Variants in FBXW4 observed in about 807,000 individuals in gnomAD.
FBXW4 encodes the protein F-box/WD repeat-containing protein 4.
In FBXW4, 40 loss-of-function variants were observed where a neutral mutation model predicts 61.8. The ratio of observed to expected loss-of-function variants is 0.65; its 90% CI spans 0.50 to 0.84. The LOEUF is 0.84. Ranked by LOEUF, FBXW4 falls within the 40% of genes least tolerant of loss-of-function variation. FBXW4 has a pLI of 0.00. For synonymous variants in FBXW4, 311 were observed against 313.8 expected, an observed-to-expected ratio of 0.99 and a Z score of 0.10; for missense variants, 672 against 753.8, an observed-to-expected ratio of 0.89 and a Z score of 1.27.
rs185027627 is a variant in FBXW4, at chr10:101,631,667, G to A, written c.1236-6857C>T. 2.2e-3 allele frequency among the ~76,000 whole-genome samples: 317 copies of A among 147,052 alleles called. 2 individuals are homozygous for A. The highest frequency in any genetic ancestry group is 7.5e-3 in the African/African-American group (298 of 39,668). On this transcript the variant is annotated intron_variant, in intron 5 of 8. Coordinates refer to ENST00000331272, the MANE Select transcript of FBXW4 (RefSeq NM_022039.4). The stretch of plus-strand genomic sequence containing the variant: ...TTTTGAGACAGAGTCTCGCTCTGTC[G>A]CCTAGGCTGGAGTGCAGTGGCGCAA...
In FBXW4 at chr10:101,694,241, G is replaced by A; in HGVS notation, c.725+140C>T. ...GGGTCCCCGAGAGTGCTCGGGAAAG[G>A]GTGTAGGCGGAGGTCAGGTGTAGGC... On this transcript the variant is annotated intron_variant, in intron 1 of 8. Coordinates refer to ENST00000331272, the MANE Select transcript of FBXW4 (RefSeq NM_022039.4). This position sits in a 1 kb window ranked among gnomAD's most constrained non-coding sequence, Gnocchi z 6.0. 1 of 779,276 alleles carries A rather than the reference G, an allele frequency of 1.3e-6. No individual in the cohort carries two copies. Among genetic ancestry groups the A allele is most frequent in the Non-Finnish European group, 1.8e-6 (1 of 556,734 alleles). The allele number at this position is 779,276 out of a possible 1,614,324, so 48.3% of individuals were successfully genotyped here. A position where few individuals can be genotyped will look rare whatever the true frequency, so the allele number is the denominator to read the frequency against.
At chr10:101,649,677 C>T (rs1032125576) in intron 5 of FBXW4, among the ~76,000 whole-genome samples, 1 of 152,212 alleles carries the variant, frequency 6.6e-6, no homozygotes, top group African/African-American at 2.4e-5. Context: ...GGCAGTGTGA[C>T]TGGCGCCAAT....
intron 5 of FBXW4, among the ~76,000 whole-genome samples, chr10:101,661,276 G>A (rs1252574329): frequency 6.6e-6 from 1 of 152,176 alleles, no homozygotes; most frequent in Non-Finnish European, 1.5e-5. Context: ...GGCTCGGAGA[G>A]TGCTGGTCTC....
At chr10:101,638,047 T>C (rs989037276) in intron 5 of FBXW4, among the ~76,000 whole-genome samples, 3 of 152,128 alleles carry the variant, frequency 2.0e-5, no homozygotes, top group African/African-American at 7.2e-5. Context: ...GGCAATGTGG[T>C]GGTGTCTAAA....
chr10:101,612,541 C>T (rs1253859083), intron 6 of FBXW4, 64 bp from the exon 7 acceptor site: 3 of 1,405,978 alleles, frequency 2.1e-6, no homozygotes, highest in African/African-American at 2.9e-5. Flanking sequence ...GTTCCACCTT[C>T]AGAAGGCATC....
chr10:101,615,524 G>A (rs148694939), intron 6 of FBXW4, among the ~76,000 whole-genome samples: 8 of 152,192 alleles, frequency 5.3e-5, no homozygotes, highest in Non-Finnish European at 8.8e-5. Context: ...CCTTGGCTCT[G>A]ACCGTGTGCA....
intron 5 of FBXW4, among the ~76,000 whole-genome samples, chr10:101,640,658 ATTTTTTTTT>A (rs200557925): frequency 7.5e-6 from 1 of 133,044 alleles, no homozygotes; most frequent in Non-Finnish European, 1.6e-5. Flanking sequence ...TCCCCAGCTA[ATTTTTTTTT>A]TTTTTTTTAA....
At chr10:101,619,591 G>A (rs1483796978) in intron 6 of FBXW4, among the ~76,000 whole-genome samples, 9 of 151,864 alleles carry the variant, frequency 5.9e-5, no homozygotes, top group East Asian at 1.9e-4. Flanking sequence ...CCCGGGAGGC[G>A]GAGTTTGCAG....
intron 5 of FBXW4, among the ~76,000 whole-genome samples, chr10:101,646,540 G>A (rs1362637623): frequency 6.6e-6 from 1 of 152,238 alleles, no homozygotes; most frequent in Non-Finnish European, 1.5e-5. Flanking sequence ...GCTTGTTGCT[G>A]GTCAAGGCGC....
chr10:101,644,319 G>A (rs1312585462), intron 5 of FBXW4, among the ~76,000 whole-genome samples: 1 of 152,186 alleles, frequency 6.6e-6, no homozygotes, highest in African/African-American at 2.4e-5. Context: ...TGGGGCCTGG[G>A]CAAGGGAAAG....
At position 101,667,876 on chromosome 10, in the gene FBXW4, T is replaced by C. The variant is rs1316437476; in HGVS notation, c.1235+10A>G. 3 of 1,609,180 alleles carry C rather than the reference T, an allele frequency of 1.9e-6. No individual in the cohort carries two copies. In the African/African-American group the frequency reaches 4.0e-5, roughly 22 times the overall value. ...CAGGACAAAACCACATCCAAATATG[T>C]CTCCCTTACCTGAGTAATGGGCTGA... On this transcript the variant is annotated intron_variant, in intron 5 of 8. Coordinates refer to ENST00000331272, the MANE Select transcript of FBXW4 (RefSeq NM_022039.4).
chr10:101,639,725 A>G (rs2064034977), intron 5 of FBXW4, among the ~76,000 whole-genome samples: 1 of 152,212 alleles, frequency 6.6e-6, no homozygotes. Context: ...TGGCAGCCTC[A>G]TGGAATAAGC....
At chr10:101,660,333 G>T (rs372892289) in intron 5 of FBXW4, 5 of 634,322 alleles carry the variant, frequency 7.9e-6, no homozygotes, top group East Asian at 2.8e-4. Flanking sequence ...GGGTTGGGAG[G>T]GGGGGTGGGT....
Position 101,644,734 on chromosome 10 carries a change from G to A in FBXW4, c.1236-19924C>T, listed in dbSNP as rs986965442. ...ACCAGGCACTCTCCAATGCTACTCT[G>A]CTAATAACATTATGATCCAGCAGAA... is the stretch of plus-strand genomic sequence containing the variant. On this transcript the variant is annotated intron_variant, in intron 5 of 8. Coordinates refer to ENST00000331272, the MANE Select transcript of FBXW4 (RefSeq NM_022039.4). 2.0e-5 allele frequency among the ~76,000 whole-genome samples: 3 copies of A among 152,274 alleles called. No individual in the cohort carries two copies. In the South Asian group the frequency reaches 6.2e-4, roughly 32 times the overall value.
intron 1 of FBXW4, among the ~76,000 whole-genome samples, chr10:101,679,603 T>C (rs1239422167): frequency 6.6e-6 from 1 of 152,204 alleles, no homozygotes; most frequent in African/African-American, 2.4e-5. Flanking sequence ...GGAATAAGAA[T>C]ATGCATGGCT....
intron 5 of FBXW4, among the ~76,000 whole-genome samples, chr10:101,666,664 G>A (rs961487998): frequency 2.6e-5 from 4 of 152,298 alleles, no homozygotes; most frequent in Middle Eastern, 3.4e-3. Flanking sequence ...AACAGGTACA[G>A]GAGAGTCTAT....
chr10:101,645,119 C>T (rs1450059921), intron 5 of FBXW4, among the ~76,000 whole-genome samples: 2 of 152,208 alleles, frequency 1.3e-5, no homozygotes, highest in Non-Finnish European at 2.9e-5. Flanking sequence ...CACACCCTCA[C>T]CCCCACCTCA....
At chr10:101,670,186 C>T (rs141558311) in intron 4 of FBXW4, among the ~76,000 whole-genome samples, 6 of 152,284 alleles carry the variant, frequency 3.9e-5, no homozygotes, top group African/African-American at 9.6e-5. Flanking sequence ...AATCCTAAAA[C>T]AAAAGAAAAA....
intron 5 of FBXW4, among the ~76,000 whole-genome samples, chr10:101,658,019 A>C (rs1450076918): frequency 6.6e-6 from 1 of 152,234 alleles, no homozygotes. Context: ...TCTAACTGCC[A>C]AATGGCACTA....
Sources: gnomAD v4.1 joint callset for allele counts (sites outside exome capture counted in the v4.1 genomes callset) on GRCh38, gnomAD v4.1.1 for gene constraint, Gnocchi (gnomAD v3.1) non-coding constraint, MANE v1.5 for transcripts, NCBI Gene and HGNC (gene_info 2026-07-23, HGNC 2026-07-21) for gene names.